Variants in CREB5 observed in about 807,000 individuals in gnomAD.
CREB5 encodes cyclic AMP-responsive element-binding protein 5.
A neutral mutation model predicts 57.1 loss-of-function variants in CREB5; 19 were observed. The ratio of observed to expected loss-of-function variants is 0.33; its 90% confidence interval spans 0.23 to 0.49. CREB5 has a LOEUF of 0.49. Among genes scored for constraint, CREB5 ranks in the 20% least tolerant of loss-of-function variants. CREB5 has a pLI of 0.99. For synonymous variants in CREB5, 238 were observed against 238.3 expected (o/e 1.00, Z 0.01); for missense variants, 579 against 671.6 (o/e 0.86, Z 1.52).
chr7:28,789,386 C>T (rs762585101), intron 7 of CREB5, among the ~76,000 whole-genome samples: 1 of 152,200 alleles, frequency 6.6e-6, no homozygotes, highest in Non-Finnish European at 1.5e-5. Flanking sequence ...ATCCACCAGA[C>T]TAGTGCTGCA....
rs778154325 is a variant in CREB5, at chr7:28,528,704, CAAAAAAA to C, written c.291+20985_291+20991del. ...GGGCAACAAGAGCGAAACTCCATCT[CAAAAAAA>C]AAAAAAAAAAAAAAAAAGAGCGTGA... On this transcript the variant is annotated intron_variant, in intron 4 of 10. Transcript: ENST00000357727. 8.2e-3 allele frequency among the ~76,000 whole-genome samples: 479 copies of C among 58,390 alleles called. 3 individuals carry two copies. Among genetic ancestry groups the C allele is most frequent in the African/African-American group, 0.027 (457 of 16,702 alleles). 38.3% of individuals were successfully genotyped at this position (58,390 alleles called of 152,430 possible).
chr7:28,679,442 G>C (rs960031312), intron 5 of CREB5, among the ~76,000 whole-genome samples: 4 of 152,178 alleles, frequency 2.6e-5, no homozygotes, highest in African/African-American at 9.7e-5. Context: ...TACTTTGCAA[G>C]TTTGGCTCAG....
chr7:28,612,977 T>A lies in CREB5; in HGVS notation c.464+42440T>A, dbSNP rs1583418398. On this transcript the variant is annotated intron_variant, in intron 5 of 10. Transcript: ENST00000357727. The stretch of plus-strand genomic sequence containing the variant: ...TAATTCATCCCTCAAATGTAGTCGT[T>A]ATGGGAAAAGAAGCCAAACTTCATG... Among the ~76,000 whole-genome samples the A allele has an allele frequency of 2.0e-5, 3 of 152,178 alleles. No individual in the cohort carries two copies. In the South Asian group the frequency reaches 6.2e-4, roughly 32 times the overall value.
At chr7:28,341,784 CATTT>C (rs1440158739) in intron 1 of CREB5, among the ~76,000 whole-genome samples, 1 of 152,204 alleles carries the variant, frequency 6.6e-6, no homozygotes, top group Non-Finnish European at 1.5e-5. Context: ...TGCCCTTGCT[CATTT>C]ATCACTTATT....
chr7:28,564,801 A>G (rs1795416246), intron 4 of CREB5, among the ~76,000 whole-genome samples: 1 of 152,240 alleles, frequency 6.6e-6, no homozygotes, highest in Admixed American at 6.5e-5. Flanking sequence ...GCAGAAAGCT[A>G]TAATTTTTGG....
chr7:28,449,390 A>G (rs751385690), intron 1 of CREB5, among the ~76,000 whole-genome samples: 3 of 152,020 alleles, frequency 2.0e-5, no homozygotes, highest in Non-Finnish European at 2.9e-5. Flanking sequence ...TTATTCCATT[A>G]TTGCTTTCGC....
rs10599936 is a variant in CREB5, at chr7:28,413,092, A to ATGTGTGTGTGTGTGTGTG, written c.3+192_3+209dup. On this transcript the variant is annotated intron_variant, in intron 1 of 10. Coordinates refer to ENST00000357727, the MANE Select transcript of CREB5 (RefSeq NM_182898.4). ...GACTTATAGCATTTTATGTGGAAGG[A>ATGTGTGTGTGTGTGTGTG]TGTGTGTGTGTGTGTGTGTGTGTGT... 5.4e-4 allele frequency among the ~76,000 whole-genome samples: 80 copies of ATGTGTGTGTGTGTGTGTG among 147,324 alleles called. 1 individual carries two copies. Among genetic ancestry groups the ATGTGTGTGTGTGTGTGTG allele is most frequent in the Admixed American group, 1.7e-3 (25 of 14,704 alleles).
chr7:28,667,468 T>C (rs1799870477), intron 5 of CREB5, among the ~76,000 whole-genome samples: 1 of 152,036 alleles, frequency 6.6e-6, no homozygotes, highest in Non-Finnish European at 1.5e-5. Context: ...ATATTTCCTT[T>C]CTTCCATGAA....
chr7:28,494,611 C>T (rs1400457897), intron 2 of CREB5, among the ~76,000 whole-genome samples: 22 of 152,146 alleles, frequency 1.4e-4, no homozygotes, highest in Admixed American at 1.4e-3. Flanking sequence ...ATTATCAGTA[C>T]TCAGCCAGAT....
At chr7:28,482,279 C>A (rs775685846) in intron 1 of CREB5, among the ~76,000 whole-genome samples, 2 of 152,168 alleles carry the variant, frequency 1.3e-5, no homozygotes, top group African/African-American at 2.4e-5. Context: ...AAAGTAGAAC[C>A]AGGCATCTTT....
intron 7 of CREB5, among the ~76,000 whole-genome samples, chr7:28,785,829 T>C (rs1161716452): frequency 6.6e-6 from 1 of 152,180 alleles, no homozygotes; most frequent in Non-Finnish European, 1.5e-5. Flanking sequence ...CACACCTCTG[T>C]GGAACTGTAA....
intron 1 of CREB5, among the ~76,000 whole-genome samples, chr7:28,420,631 A>C (rs2128009135): frequency 6.6e-6 from 1 of 151,306 alleles, no homozygotes; most frequent in South Asian, 2.1e-4. Context: ...ATATGGTGAA[A>C]CCCCTTCTCT....
intron 5 of CREB5, among the ~76,000 whole-genome samples, chr7:28,693,866 G>C (rs1232764628): frequency 6.6e-6 from 1 of 152,198 alleles, no homozygotes; most frequent in Non-Finnish European, 1.5e-5. Context: ...CATTAATAAT[G>C]TAGAGAGAAA....
At chr7:28,531,123 T>C (rs1452542199) in intron 4 of CREB5, among the ~76,000 whole-genome samples, 1 of 151,972 alleles carries the variant, frequency 6.6e-6, no homozygotes, top group Non-Finnish European at 1.5e-5. Flanking sequence ...AATCCATGGG[T>C]GCAAAGTAAC....
chr7:28,484,730 C>A (rs902974358), intron 1 of CREB5, among the ~76,000 whole-genome samples: 2 of 152,140 alleles, frequency 1.3e-5, no homozygotes, highest in Non-Finnish European at 2.9e-5. Context: ...CCCAGTAGAA[C>A]CTATCAATGA....
At chr7:28,415,815 C>G (rs1340214932) in intron 1 of CREB5, among the ~76,000 whole-genome samples, 1 of 152,144 alleles carries the variant, frequency 6.6e-6, no homozygotes, top group Non-Finnish European at 1.5e-5. Flanking sequence ...AAATAAATAA[C>G]CTTTTTTGTC....
chr7:28,478,269 A>C (rs1011905020), intron 1 of CREB5, among the ~76,000 whole-genome samples: 1 of 152,146 alleles, frequency 6.6e-6, no homozygotes, highest in Non-Finnish European at 1.5e-5. Flanking sequence ...CTCATGGTAC[A>C]ATACGAGCTA....
intron 5 of CREB5, among the ~76,000 whole-genome samples, chr7:28,607,262 C>T (rs1048153259): frequency 6.6e-6 from 1 of 152,114 alleles, no homozygotes; most frequent in Admixed American, 6.6e-5. Flanking sequence ...GAAATCTGAG[C>T]TTGTGGATAA....
chr7:28,573,874 T>C (rs1332534654), intron 5 of CREB5, among the ~76,000 whole-genome samples: 1 of 152,144 alleles, frequency 6.6e-6, no homozygotes, highest in Non-Finnish European at 1.5e-5. Context: ...TAAAAGGAAG[T>C]AGACAAACAA....
Sources: gnomAD v4.1 joint callset for allele counts (sites outside exome capture counted in the v4.1 genomes callset) on GRCh38, gnomAD v4.1.1 for gene constraint, MANE v1.5 for transcripts, NCBI Gene and HGNC (gene_info 2026-07-23, HGNC 2026-07-21) for gene names.